Variants in EFTUD2 observed in about 807,000 individuals in gnomAD.
EFTUD2 encodes 116 kDa U5 small nuclear ribonucleoprotein component.
Under a neutral mutation model 114.3 loss-of-function variants are expected in EFTUD2, and 9 were observed. The observed-to-expected ratio is 0.08, with a 90% CI of 0.05 to 0.14. The LOEUF is 0.14. Among genes scored for constraint, EFTUD2 ranks in the 10% least tolerant of loss-of-function variants. EFTUD2 has a pLI of 1.00. For synonymous variants in EFTUD2, 449 were observed against 462.3 expected, an observed-to-expected ratio of 0.97 and a Z score of 0.37; for missense variants, 765 against 1,241.2, an observed-to-expected ratio of 0.62 and a Z score of 5.76.
chr17:44,857,839 GTTAA>G (rs1175677774), intron 19 of EFTUD2, among the ~76,000 whole-genome samples: 1 of 151,720 alleles, frequency 6.6e-6, no homozygotes, highest in African/African-American at 2.4e-5. Flanking sequence ...CCACCCATGG[GTTAA>G]TTGTTTAATT....
chr17:44,877,068 T>C (rs1002254660), intron 9 of EFTUD2, among the ~76,000 whole-genome samples: 2 of 150,728 alleles, frequency 1.3e-5, no homozygotes, highest in African/African-American at 4.9e-5. Context: ...TGTTGGCACA[T>C]ACCTGTAGTC....
intron 18 of EFTUD2, chr17:44,859,551 T>C (rs1414237284): frequency 4.0e-6 from 2 of 495,946 alleles, no homozygotes; most frequent in Non-Finnish European, 7.3e-6. Flanking sequence ...CAACTCACTT[T>C]TCCTTCTCTT....
chr17:44,881,415 C>G (rs768473319), intron 7 of EFTUD2, among the ~76,000 whole-genome samples: 1 of 151,546 alleles, frequency 6.6e-6, no homozygotes, highest in Non-Finnish European at 1.5e-5. Flanking sequence ...ATGCAGACAT[C>G]GCCTCTTAGT....
chr17:44,888,854 G>C (rs552410626), intron 2 of EFTUD2, among the ~76,000 whole-genome samples: 1 of 152,336 alleles, frequency 6.6e-6, no homozygotes, highest in Admixed American at 6.5e-5. Context: ...ATTAAGTAGA[G>C]ATGCCATGTA....
At chr17:44,889,982 T>C (rs1476867483) in intron 2 of EFTUD2, among the ~76,000 whole-genome samples, 1 of 152,166 alleles carries the variant, frequency 6.6e-6, no homozygotes, top group African/African-American at 2.4e-5. Flanking sequence ...CAAATATTCT[T>C]TTATCATTGC....
chr17:44,877,815 A>AAACAAC (rs142050964), intron 9 of EFTUD2, among the ~76,000 whole-genome samples: 81 of 149,680 alleles, frequency 5.4e-4, no homozygotes, highest in Non-Finnish European at 7.1e-4. Context: ...CAAAAAAACA[A>AAACAAC]AACAACAACA....
intron 2 of EFTUD2, among the ~76,000 whole-genome samples, chr17:44,889,329 C>T (rs571353664): frequency 2.6e-5 from 4 of 152,142 alleles, no homozygotes; most frequent in Non-Finnish European, 4.4e-5. Flanking sequence ...AGACAGCAAC[C>T]ATGACCACCT....
intron 16 of EFTUD2, 74 bp from the exon 17 acceptor site, chr17:44,860,617 T>G (rs949707390): frequency 2.4e-6 from 2 of 847,060 alleles, no homozygotes; most frequent in African/African-American, 1.8e-5. Flanking sequence ...TTTTTTTTTT[T>G]GAGACAGGAT....
At chr17:44,874,066 G>T (rs2050904750) in intron 10 of EFTUD2, among the ~76,000 whole-genome samples, 1 of 139,066 alleles carries the variant, frequency 7.2e-6, no homozygotes. Context: ...TTAAGAGACA[G>T]GATCTCACTC....
chr17:44,877,405 A>C (rs558199580), intron 9 of EFTUD2, among the ~76,000 whole-genome samples: 1 of 152,260 alleles, frequency 6.6e-6, no homozygotes, highest in East Asian at 1.9e-4. Context: ...ACCGGAATCC[A>C]TAAGGACAGT....
At chr17:44,866,421 T>TTTTA (rs1555566289) in intron 13 of EFTUD2, among the ~76,000 whole-genome samples, 1 of 151,544 alleles carries the variant, frequency 6.6e-6, no homozygotes, top group Non-Finnish European at 1.5e-5. Flanking sequence ...ATTTATTTTA[T>TTTTA]TTTTTTTGAG....
At chr17:44,894,624 C>T (rs1057224816) in intron 1 of EFTUD2, 99 bp from the exon 2 acceptor site, 1 of 855,642 alleles carries the variant, frequency 1.2e-6, no homozygotes. Flanking sequence ...GTTGGCCATA[C>T]CCCTTTCACA....
Position 44,851,037 on chromosome 17 carries a change from A to G in EFTUD2, c.*237T>C. The G allele has an allele frequency of 4.0e-6, 2 of 499,120 alleles. No individual in the cohort carries two copies. Among genetic ancestry groups the G allele is most frequent in the Non-Finnish European group, 7.2e-6 (2 of 276,378 alleles). The allele number at this position is 499,120 out of a possible 1,614,324, so 30.9% of individuals were successfully genotyped here. A position where few individuals can be genotyped will look rare whatever the true frequency, so the allele number is the denominator to read the frequency against. ...ATCCCCTTCTCTTTCTGTGAGCCCA[A>G]GCTCCTCTCTTTTCCTTGGGAATGG... On this transcript the variant is annotated 3_prime_UTR_variant, in exon 28 of 28. Coordinates refer to ENST00000426333, the MANE Select transcript of EFTUD2 (RefSeq NM_004247.4).
At chr17:44,865,591 G>A (rs2050731855) in intron 13 of EFTUD2, among the ~76,000 whole-genome samples, 1 of 151,946 alleles carries the variant, frequency 6.6e-6, no homozygotes, top group Admixed American at 6.6e-5. Flanking sequence ...GTATTTTTCA[G>A]CACTAATAAA....
chr17:44,864,882 G>C, intron 14 of EFTUD2, 48 bp downstream of exon 14: 2 of 1,592,072 alleles, frequency 1.3e-6, no homozygotes, highest in Non-Finnish European at 1.7e-6. Context: ...GATACCTGTG[G>C]CAGGGCACGA....
At chr17:44,863,356 C>T (rs375240804) in intron 15 of EFTUD2, 3 of 288,992 alleles carry the variant, frequency 1.0e-5, no homozygotes, top group East Asian at 1.4e-4. Flanking sequence ...TGCCAGGCAA[C>T]ATGCTGAACA....
At chr17:44,872,417 G>A (rs370700131) in intron 11 of EFTUD2, 29 bp downstream of exon 11, 1 of 1,608,916 alleles carries the variant, frequency 6.2e-7, no homozygotes, top group Non-Finnish European at 8.5e-7. Flanking sequence ...AGGGGAAGCT[G>A]GTGAGACAGA....
intron 1 of EFTUD2, chr17:44,895,816 C>T (rs1344898944): frequency 1.3e-5 from 2 of 152,176 alleles, no homozygotes; most frequent in Admixed American, 6.5e-5. Flanking sequence ...TCCAATAATA[C>T]CTTACACACC....
At chr17:44,885,127 G>T in intron 4 of EFTUD2, 129 bp downstream of exon 4, 1 of 705,466 alleles carries the variant, frequency 1.4e-6, no homozygotes. Context: ...CACACAAGCT[G>T]AAGGAGAATT....
Sources: allele counts gnomAD v4.1 joint callset (sites outside exome capture counted in the v4.1 genomes callset), GRCh38; gene constraint gnomAD v4.1.1; transcripts MANE v1.5; gene names NCBI Gene and HGNC (gene_info 2026-07-23, HGNC 2026-07-21).